MYOCD: variants seen among roughly 807,000 people sequenced by gnomAD.
The protein encoded by MYOCD is myocardin.
MYOCD carries 32 observed loss-of-function variants against 96.1 expected under a neutral mutation model. That is an observed-to-expected ratio of 0.33 (90% confidence interval 0.25 to 0.45). MYOCD has a LOEUF of 0.45. Ranked by LOEUF, MYOCD falls within the 20% of genes least tolerant of loss-of-function variation. The pLI, the probability that MYOCD is intolerant of heterozygous loss-of-function variation, is 1.00. For synonymous variants in MYOCD, 469 were observed against 469.0 expected, an observed-to-expected ratio of 1.00 and a Z score of 0.00; for missense variants, 1,133 against 1,200.6, an observed-to-expected ratio of 0.94 and a Z score of 0.83.
intron 4 of MYOCD, among the ~76,000 whole-genome samples, chr17:12,720,060 T>C (rs961766932): frequency 2.6e-5 from 4 of 151,940 alleles, no homozygotes; most frequent in African/African-American, 9.7e-5. Context: ...ATATTGAAAA[T>C]GGCGTCTCCC....
At chr17:12,713,041 T>C (rs1015119889) in intron 2 of MYOCD, among the ~76,000 whole-genome samples, 1 of 152,152 alleles carries the variant, frequency 6.6e-6, no homozygotes, top group Non-Finnish European at 1.5e-5. Flanking sequence ...CAGGATAGTT[T>C]TCCATGGTGT....
At chr17:12,723,214 C>G (rs2031898861) in intron 5 of MYOCD, among the ~76,000 whole-genome samples, 1 of 152,172 alleles carries the variant, frequency 6.6e-6, no homozygotes, top group Non-Finnish European at 1.5e-5. Context: ...AAGGCCAAGT[C>G]AACACAGGGT....
intron 9 of MYOCD, among the ~76,000 whole-genome samples, chr17:12,750,062 C>T (rs1281545824): frequency 2.0e-5 from 3 of 151,996 alleles, no homozygotes; most frequent in South Asian, 2.1e-4. Flanking sequence ...TGGTCTCGAT[C>T]TCCTGACCTC....
chr17:12,712,796 T>A (rs9906839), intron 2 of MYOCD, among the ~76,000 whole-genome samples: 19,276 of 152,152 alleles, frequency 0.13, 1,440 homozygotes, highest in South Asian at 0.19. Flanking sequence ...TGGACTTTTT[T>A]AAAAATTTAG....
intron 1 of MYOCD, among the ~76,000 whole-genome samples, chr17:12,693,628 T>TAA (rs1459457927): frequency 4.9e-5 from 1 of 20,510 alleles, no homozygotes; most frequent in African/African-American, 9.4e-5. Flanking sequence ...TAAAATAGAA[T>TAA]AAAATAAAAT....
At chr17:12,676,154 G>T (rs1910024049) in intron 1 of MYOCD, among the ~76,000 whole-genome samples, 2 of 151,812 alleles carry the variant, frequency 1.3e-5, no homozygotes, top group Non-Finnish European at 1.5e-5. Flanking sequence ...AGAGGACGTG[G>T]ACACTAAATA....
intron 1 of MYOCD, among the ~76,000 whole-genome samples, chr17:12,690,196 C>T (rs1430996277): frequency 1.3e-5 from 2 of 151,572 alleles, no homozygotes; most frequent in Non-Finnish European, 3.0e-5. Context: ...AGTGGAAAAT[C>T]TGTCAAAGAA....
In MYOCD at chr17:12,752,680, C is replaced by T; in HGVS notation, c.1392C>T (p.Asp464=). The part of the protein sequence containing the change: ...SSPPISPASS[D]LSVAGSLPDT... Reference sequence around the variant, plus strand: ...CCCCGATCTCCCCAGCCTCCTCTGACCTGTCAGTCGCTGGGTCCCTGCCGG... The same window carrying T: ...CCCCGATCTCCCCAGCCTCCTCTGATCTGTCAGTCGCTGGGTCCCTGCCGG... The change falls in exon 10 of 14, where the codon GAC becomes GAT. Residue 464 remains aspartate (D), a synonymous_variant. Coordinates refer to ENST00000425538, the MANE Select transcript of MYOCD (RefSeq NM_001146312.3). 6.2e-7 allele frequency: 1 copy of T among 1,614,192 alleles called. No homozygotes were observed. Among genetic ancestry groups the T allele is most frequent in the Non-Finnish European group, 8.5e-7 (1 of 1,180,022 alleles).
rs1294797090 is a variant in MYOCD, at chr17:12,756,422, A to G, written c.2067A>G (p.Gly689=). 1 of 1,552,096 alleles carries G rather than the reference A, an allele frequency of 6.4e-7. No individual in the cohort carries two copies. The highest frequency in any genetic ancestry group is 2.4e-5 in the East Asian group (1 of 40,894). ...SSQVCTAQNS[G]AHDGHPPSFS... ...CACTTCTTCCTTTGCAGAACTCAGG[A>G]GCACACGATGGCCATCCTCCAAGCT... Residue 689 remains glycine, a synonymous_variant, in exon 11 of 14, where the codon GGA becomes GGG. Transcript: ENST00000425538.
Position 12,700,053 on chromosome 17 carries a change from C to T in MYOCD, c.56-5075C>T, listed in dbSNP as rs144489038. 4.3e-3 allele frequency among the ~76,000 whole-genome samples: 645 copies of T among 151,712 alleles called. 3 individuals carry two copies. Among genetic ancestry groups the T allele is most frequent in the African/African-American group, 0.015 (603 of 41,394 alleles). On this transcript the variant is annotated intron_variant, in intron 1 of 13. Coordinates refer to ENST00000425538, the MANE Select transcript of MYOCD (RefSeq NM_001146312.3). ...CCTCCCGAGTAGCTGGGACCACAGG[C>T]GCCCACCACCAGGCCTGGCTAATTT...
At chr17:12,723,394 A>AAACCCGGACCCTAGATCC (rs1015985011) in intron 5 of MYOCD, among the ~76,000 whole-genome samples, 2 of 152,168 alleles carry the variant, frequency 1.3e-5, no homozygotes, top group African/African-American at 4.8e-5. Flanking sequence ...CCAGACTAGA[A>AAACCCGGACCCTAGATCC]AACCCGGACC....
At chr17:12,756,924 G>A (rs1195962794) in intron 11 of MYOCD, among the ~76,000 whole-genome samples, 1 of 152,100 alleles carries the variant, frequency 6.6e-6, no homozygotes, top group Non-Finnish European at 1.5e-5. Flanking sequence ...CTAAAAGGAT[G>A]TACAGATATG....
At chr17:12,703,969 C>T (rs2031187591) in intron 1 of MYOCD, among the ~76,000 whole-genome samples, 1 of 152,044 alleles carries the variant, frequency 6.6e-6, no homozygotes, top group African/African-American at 2.4e-5. Flanking sequence ...CTTCATTGAA[C>T]CTAGTTGGAA....
chr17:12,669,767 C>A (rs959013693), intron 1 of MYOCD, among the ~76,000 whole-genome samples: 4 of 151,994 alleles, frequency 2.6e-5, no homozygotes, highest in African/African-American at 7.3e-5. Flanking sequence ...TACAGGTGCC[C>A]GCTACCACGC....
chr17:12,679,160 T>C (rs1910292711), intron 1 of MYOCD, among the ~76,000 whole-genome samples: 1 of 152,226 alleles, frequency 6.6e-6, no homozygotes, highest in Non-Finnish European at 1.5e-5. Flanking sequence ...GCATTTAACC[T>C]ATTTCCTCTC....
At chr17:12,707,055 G>C (rs2031313709) in intron 2 of MYOCD, among the ~76,000 whole-genome samples, 1 of 152,176 alleles carries the variant, frequency 6.6e-6, no homozygotes, top group Admixed American at 6.5e-5. Context: ...GGCCCTGCCT[G>C]TACAGACCTT....
rs933255422 is a variant in MYOCD at position 12,758,140 on chromosome 17, C to G, written c.2258C>G (p.Pro753Arg). The G allele has an allele frequency of 1.2e-6, 2 of 1,614,150 alleles. No individual in the cohort carries two copies. The highest frequency in any genetic ancestry group is 1.7e-6 in the Non-Finnish European group (2 of 1,180,016). Reference sequence around the variant, plus strand: ...GGGCCAAAGTTTTCAATTCCATCCCCAACTTTTTCTAAGTCAAGTTCAGCA... The same window carrying G: ...GGGCCAAAGTTTTCAATTCCATCCCGAACTTTTTCTAAGTCAAGTTCAGCA... ...KVGPKFSIPSPTFSKSSSAIS... is the reference protein window; with the variant it reads ...KVGPKFSIPSRTFSKSSSAIS... The change falls in exon 12 of 14, where the codon CCA (proline) becomes CGA (arginine). Residue 753 changes from proline (P) to arginine (R), a missense_variant. Physicochemically the swap from Pro to Arg is moderately radical, Grantham distance 103. Coordinates refer to ENST00000425538, the MANE Select transcript of MYOCD (RefSeq NM_001146312.3).
intron 1 of MYOCD, among the ~76,000 whole-genome samples, chr17:12,685,127 C>G (rs1372965226): frequency 6.6e-6 from 1 of 151,272 alleles, no homozygotes; most frequent in African/African-American, 2.4e-5. Context: ...GAAACCCCAT[C>G]TCTACTAAAA....
chr17:12,704,632 C>T (rs1360306265), intron 1 of MYOCD, among the ~76,000 whole-genome samples: 1 of 152,124 alleles, frequency 6.6e-6, no homozygotes, highest in East Asian at 1.9e-4. Context: ...ATTGTTTTAT[C>T]AAACTTTATG....
Sources: allele counts gnomAD v4.1 joint callset (sites outside exome capture counted in the v4.1 genomes callset), GRCh38; gene constraint gnomAD v4.1.1; transcripts MANE v1.5; gene names NCBI Gene and HGNC (gene_info 2026-07-23, HGNC 2026-07-21).